RPH3A: variants seen among roughly 807,000 people sequenced by gnomAD.
RPH3A encodes rabphilin-3A.
A neutral mutation model predicts 102.2 loss-of-function variants in RPH3A; 48 were observed. That is an observed-to-expected ratio of 0.47 (90% CI 0.37 to 0.60). The LOEUF (loss-of-function observed/expected upper bound fraction) is 0.60. Among genes scored for constraint, RPH3A ranks in the 20% least tolerant of loss-of-function variants. The probability of loss-of-function intolerance (pLI) is 0.00; values close to 1 mark genes in which losing one functional copy is unlikely to be tolerated. For missense variants in RPH3A, 781 were observed against 910.1 expected (o/e 0.86, Z 1.83); for synonymous variants, 310 against 324.3 (o/e 0.96, Z 0.47).
At chr12:112,748,792 T>C (rs2040765123) in intron 1 of RPH3A, among the ~76,000 whole-genome samples, 1 of 152,230 alleles carries the variant, frequency 6.6e-6, no homozygotes, top group African/African-American at 2.4e-5. Context: ...AATGACCAGA[T>C]GTGCCACCAG....
At chr12:112,759,084 T>C (rs2040837960) in intron 1 of RPH3A, among the ~76,000 whole-genome samples, 1 of 152,212 alleles carries the variant, frequency 6.6e-6, no homozygotes, top group African/African-American at 2.4e-5. Flanking sequence ...CCCCATCCTG[T>C]TTTCAATTGA....
At chr12:112,729,074 C>A (rs1309153542) in intron 1 of RPH3A, among the ~76,000 whole-genome samples, 1 of 151,752 alleles carries the variant, frequency 6.6e-6, no homozygotes, top group Admixed American at 6.6e-5. Flanking sequence ...AGCCTGAGAT[C>A]TTTTTGAAGT....
chr12:112,678,291 A>AGAGAGAGAGAGAGAG (rs1566255250), intron 1 of RPH3A, among the ~76,000 whole-genome samples: 4 of 30,732 alleles, frequency 1.3e-4, no homozygotes, highest in Non-Finnish European at 2.1e-4. Flanking sequence ...GAAAGAAAGA[A>AGAGAGAGAGAGAGAG]AGAAAGAAAG....
At chr12:112,674,572 TA>T (rs1431498601) in intron 1 of RPH3A, among the ~76,000 whole-genome samples, 3 of 152,110 alleles carry the variant, frequency 2.0e-5, no homozygotes, top group Non-Finnish European at 4.4e-5. Flanking sequence ...TATTTTTACC[TA>T]AAGGGACCCC....
At chr12:112,795,857 G>C (rs1393197342) in intron 2 of RPH3A, among the ~76,000 whole-genome samples, 1 of 152,190 alleles carries the variant, frequency 6.6e-6, no homozygotes, top group African/African-American at 2.4e-5. Context: ...CTGGCAAGGA[G>C]TAAATATCCA....
At chr12:112,717,726 A>C (rs1055625814) in intron 1 of RPH3A, among the ~76,000 whole-genome samples, 2 of 137,518 alleles carry the variant, frequency 1.5e-5, no homozygotes, top group Non-Finnish European at 3.2e-5. Flanking sequence ...ATAGGTTTTC[A>C]TTTTTTTTTT....
intron 1 of RPH3A, among the ~76,000 whole-genome samples, chr12:112,612,864 C>T (rs979455829): frequency 1.3e-5 from 2 of 152,032 alleles, no homozygotes; most frequent in African/African-American, 4.8e-5. Flanking sequence ...GTGTGAGCCA[C>T]AGCATCCAGC....
rs914617955 is a variant in RPH3A at position 112,870,022 on chromosome 12, C to T, written c.779C>T (p.Ser260Phe). 6.2e-7 allele frequency: 1 copy of T among 1,612,910 alleles called. No homozygotes were observed. The highest frequency in any genetic ancestry group is 1.3e-5 in the African/African-American group (1 of 74,816). The change falls in exon 10 of 22, where the codon TCC (serine) becomes TTC (phenylalanine). Residue 260 changes from serine to phenylalanine, a missense_variant. By Grantham distance (155) the Ser-to-Phe change is radical. This residue lies in a region of RPH3A where 730 missense variants were observed against 810.0 expected (regional missense o/e 0.90). Coordinates refer to ENST00000389385, the MANE Select transcript of RPH3A (RefSeq NM_001143854.2). ...SWDHSGGAGD[S>F]SRSPAGLRRA... ...GACCACAGTGGGGGTGCTGGAGACT[C>T]CAGCCGGAGCCCAGCAGGTGAGCAA...
At chr12:112,890,744 G>C in intron 18 of RPH3A, 105 bp from the exon 19 acceptor site, 1 of 1,304,046 alleles carries the variant, frequency 7.7e-7, no homozygotes, top group Middle Eastern at 2.7e-4. Flanking sequence ...CCCTAGAGCT[G>C]GCCAAGCTTC....
At chr12:112,663,196 T>C (rs1193296545) in intron 1 of RPH3A, among the ~76,000 whole-genome samples, 2 of 151,862 alleles carry the variant, frequency 1.3e-5, no homozygotes, top group Admixed American at 6.6e-5. Flanking sequence ...TCTCCAATAA[T>C]GTGAGCCCAT....
chr12:112,703,201 G>A (rs2040406651), intron 1 of RPH3A, among the ~76,000 whole-genome samples: 1 of 152,218 alleles, frequency 6.6e-6, no homozygotes, highest in Non-Finnish European at 1.5e-5. Flanking sequence ...GAGACAGGTG[G>A]AGTTGAGTCC....
At chr12:112,828,434 G>A (rs2041916969) in intron 3 of RPH3A, 45 bp downstream of exon 3, 3 of 1,442,638 alleles carry the variant, frequency 2.1e-6, no homozygotes, top group African/African-American at 2.9e-5. Flanking sequence ...TTGAGTCGAT[G>A]AGGTTTTGAC....
intron 1 of RPH3A, among the ~76,000 whole-genome samples, chr12:112,648,410 G>T (rs1397687984): frequency 1.3e-5 from 2 of 150,902 alleles, no homozygotes; most frequent in African/African-American, 4.9e-5. Context: ...ACTTAGGGTT[G>T]TTTCTGTAGG....
At chr12:112,809,964 T>C (rs983786286) in intron 2 of RPH3A, among the ~76,000 whole-genome samples, 10 of 152,204 alleles carry the variant, frequency 6.6e-5, no homozygotes, top group South Asian at 4.1e-4. Context: ...GCTTCAGTTC[T>C]ATATGATAAG....
intron 2 of RPH3A, among the ~76,000 whole-genome samples, chr12:112,794,180 T>C (rs1410080465): frequency 6.6e-6 from 1 of 152,168 alleles, no homozygotes; most frequent in Non-Finnish European, 1.5e-5. Flanking sequence ...GCCTTGGACT[T>C]GGGTCAGGAG....
chr12:112,672,673 C>T (rs747286807), intron 1 of RPH3A, among the ~76,000 whole-genome samples: 67 of 152,196 alleles, frequency 4.4e-4, no homozygotes, highest in Non-Finnish European at 5.4e-4. Flanking sequence ...GGGGCATGCT[C>T]ACTTGTCCTT....
At chr12:112,853,729 T>C (rs1004363016) in intron 5 of RPH3A, among the ~76,000 whole-genome samples, 11 of 151,780 alleles carry the variant, frequency 7.2e-5, no homozygotes, top group African/African-American at 2.7e-4. Flanking sequence ...CTCAGGAGGC[T>C]GAGGTACATG....
intron 1 of RPH3A, among the ~76,000 whole-genome samples, chr12:112,730,455 T>C (rs1056310072): frequency 6.6e-6 from 1 of 152,156 alleles, no homozygotes; most frequent in African/African-American, 2.4e-5. Context: ...CAGGTAGGGG[T>C]ATGATATAAA....
chr12:112,895,720 C>A, intron 20 of RPH3A, 57 bp from the exon 21 acceptor site: 1 of 1,283,106 alleles, frequency 7.8e-7, no homozygotes, highest in Non-Finnish European at 1.1e-6. Context: ...CCTCTTACCT[C>A]CCAATGCTGT....
Sources: gnomAD v4.1 joint callset for allele counts (sites outside exome capture counted in the v4.1 genomes callset) on GRCh38, gnomAD v4.1.1 for gene constraint, gnomAD v4.1.1 regional missense constraint, MANE v1.5 for transcripts, NCBI Gene and HGNC (gene_info 2026-07-23, HGNC 2026-07-21) for gene names.